Variants in OR52N4 observed in about 807,000 individuals in gnomAD.
The protein encoded by OR52N4 is olfactory receptor family 52 subfamily N member 4.
A neutral mutation model predicts 15.0 loss-of-function variants in OR52N4; 15 were observed. That is an observed-to-expected ratio of 1.00 (90% CI 0.67 to 1.54). The LOEUF (loss-of-function observed/expected upper bound fraction) is 1.54, where lower values mean the gene tolerates loss of function less well. Among genes scored for constraint, OR52N4 ranks in the 40% most tolerant of loss-of-function variants. OR52N4 has a pLI of 0.00. For synonymous variants in OR52N4, 143 were observed against 143.7 expected (o/e 1.00, Z 0.03); for missense variants, 421 against 394.0 (o/e 1.07, Z -0.58).
the OR52N4 span, chr11:5,736,949 G>A: frequency 3.7e-6 from 6 of 1,613,660 alleles, no homozygotes; most frequent in Admixed American, 3.3e-5. Flanking sequence ...TCCATCAATT[G>A]TCACCAGTTC....
the OR52N4 span, chr11:5,734,084 T>A: frequency 5.4e-5 from 24 of 447,570 alleles, no homozygotes; most frequent in African/African-American, 4.2e-4. Context: ...TCCATAAATT[T>A]CAGAAGTTTA....
the OR52N4 span, chr11:5,735,986 G>A: frequency 6.4e-6 from 1 of 155,438 alleles, no homozygotes; most frequent in Non-Finnish European, 1.4e-5. Flanking sequence ...CTGTATTTAT[G>A]TCTTTATAGG....
chr11:5,747,104 A>T, the OR52N4 span, among the ~76,000 whole-genome samples: 96 of 119,602 alleles, frequency 8.0e-4, no homozygotes, highest in African/African-American at 2.6e-3. Flanking sequence ...AAAAAAAAAA[A>T]ATATGGGGTA....
At chr11:5,747,785 AG>A in the OR52N4 span, among the ~76,000 whole-genome samples, 1 of 152,078 alleles carries the variant, frequency 6.6e-6, no homozygotes, top group South Asian at 2.1e-4. Flanking sequence ...AGAAAAATAA[AG>A]GAAAATACTA....
intron 1 of OR52N4, 22 bp from the exon 2 acceptor site, chr11:5,754,670 CT>C (rs1480330871): frequency 2.2e-6 from 3 of 1,373,458 alleles, no homozygotes; most frequent in African/African-American, 3.0e-5. Context: ...TATATTTTCT[CT>C]TGTTTTTTTT....
chr11:5,749,486 C>A (rs1854144809), upstream of OR52N4, among the ~76,000 whole-genome samples: 1 of 151,728 alleles, frequency 6.6e-6, no homozygotes, highest in African/African-American at 2.4e-5. Context: ...AATGGGAATC[C>A]TTTTTTACTA....
At chr11:5,730,395 G>T in the OR52N4 span, among the ~76,000 whole-genome samples, 1 of 151,906 alleles carries the variant, frequency 6.6e-6, no homozygotes, top group African/African-American at 2.4e-5. Context: ...GTTTCACTGT[G>T]TTAGCCAGGA....
the OR52N4 span, chr11:5,737,379 A>G: frequency 3.1e-6 from 5 of 1,613,962 alleles, no homozygotes; most frequent in Non-Finnish European, 4.2e-6. Flanking sequence ...AATGTGTTGC[A>G]CAACATCATC....
At chr11:5,748,538 T>C in the OR52N4 span, among the ~76,000 whole-genome samples, 1 of 151,898 alleles carries the variant, frequency 6.6e-6, no homozygotes, top group South Asian at 2.1e-4. Flanking sequence ...CTATTCATAA[T>C]TCATTTCTCT....
the OR52N4 span, chr11:5,737,503 A>T: frequency 1.9e-6 from 3 of 1,595,536 alleles, no homozygotes; most frequent in South Asian, 3.4e-5. Context: ...GACCTTCTCC[A>T]TGATGTACAT....
At chr11:5,743,106 G>GT in the OR52N4 span, among the ~76,000 whole-genome samples, 1 of 152,050 alleles carries the variant, frequency 6.6e-6, no homozygotes, top group Non-Finnish European at 1.5e-5. Flanking sequence ...ACTTATATAA[G>GT]CCAGACTTTA....
chr11:5,734,819 C>T, the OR52N4 span, among the ~76,000 whole-genome samples: 1 of 152,012 alleles, frequency 6.6e-6, no homozygotes, highest in African/African-American at 2.4e-5. Flanking sequence ...AGCTCAAAGT[C>T]AAACTAGCTT....
chr11:5,750,312 T>C (rs1304025091), upstream of OR52N4, among the ~76,000 whole-genome samples: 1 of 151,978 alleles, frequency 6.6e-6, no homozygotes, highest in Non-Finnish European at 1.5e-5. Context: ...TATATTTTTC[T>C]CCACCCAGGT....
the OR52N4 span, among the ~76,000 whole-genome samples, chr11:5,740,494 G>A: frequency 4.7e-5 from 6 of 127,636 alleles, 3 homozygotes; most frequent in African/African-American, 1.7e-4. Context: ...TAACAACAGC[G>A]GGGGAGTACA....
At chr11:5,741,404 G>A in the OR52N4 span, among the ~76,000 whole-genome samples, 1 of 152,230 alleles carries the variant, frequency 6.6e-6, no homozygotes, top group East Asian at 1.9e-4. Context: ...TTAGAAGCCT[G>A]GAGAATGTGA....
At chr11:5,727,313 T>G in the OR52N4 span, 1 of 152,822 alleles carries the variant, frequency 6.5e-6, no homozygotes, top group African/African-American at 2.4e-5. Flanking sequence ...CACGTTCCAG[T>G]CCATATTCAC....
the OR52N4 span, among the ~76,000 whole-genome samples, chr11:5,729,721 T>C: frequency 6.6e-6 from 1 of 152,230 alleles, no homozygotes; most frequent in Admixed American, 6.5e-5. Context: ...GTTTATATCA[T>C]GATCAACCCC....
upstream of OR52N4, among the ~76,000 whole-genome samples, chr11:5,750,767 T>C (rs1854173779): frequency 6.6e-6 from 1 of 152,004 alleles, no homozygotes; most frequent in African/African-American, 2.4e-5. Flanking sequence ...TTGATGTTCA[T>C]AGAAAAACAT....
the OR52N4 span, among the ~76,000 whole-genome samples, chr11:5,741,750 G>C: frequency 1.3e-5 from 2 of 152,128 alleles, no homozygotes; most frequent in Non-Finnish European, 2.9e-5. Context: ...CAGATAGCAA[G>C]TTGAGGCAAA....
Sources: allele counts gnomAD v4.1 joint callset (sites outside exome capture counted in the v4.1 genomes callset), GRCh38; gene constraint gnomAD v4.1.1; transcripts MANE v1.5; gene names NCBI Gene and HGNC (gene_info 2026-07-23, HGNC 2026-07-21).